Variants in GIGYF2 observed in about 807,000 individuals in gnomAD.
GIGYF2 encodes the protein GRB10-interacting GYF protein 2.
A neutral mutation model predicts 208.1 loss-of-function variants in GIGYF2; 25 were observed. The ratio of observed to expected loss-of-function variants is 0.12; its 90% CI spans 0.09 to 0.17. The LOEUF is 0.17. Among genes scored for constraint, GIGYF2 ranks in the 10% least tolerant of loss-of-function variants. The pLI is 1.00. For synonymous variants in GIGYF2, 534 were observed against 543.8 expected, an observed-to-expected ratio of 0.98 and a Z score of 0.25; for missense variants, 1,302 against 1,579.4, an observed-to-expected ratio of 0.82 and a Z score of 2.98.
chr2:232,735,361 C>T (rs1697690100), intron 3 of GIGYF2, 123 bp downstream of exon 3: 8 of 727,404 alleles, frequency 1.1e-5, no homozygotes, highest in Admixed American at 6.6e-5. Flanking sequence ...ATGTGCCTCG[C>T]TGAAAACAAT....
chr2:232,809,016 C>T (rs1174774461), intron 15 of GIGYF2, among the ~76,000 whole-genome samples: 1 of 152,162 alleles, frequency 6.6e-6, no homozygotes, highest in Non-Finnish European at 1.5e-5. Flanking sequence ...GCAGTCTAGG[C>T]TCACTGCAAC....
chr2:232,836,293 T>A (rs1237148025), intron 22 of GIGYF2, among the ~76,000 whole-genome samples: 4 of 24,634 alleles, frequency 1.6e-4, no homozygotes, highest in East Asian at 8.1e-4. Flanking sequence ...TATATATATA[T>A]ATATATATAT....
chr2:232,776,189 T>C (rs1308698333), intron 8 of GIGYF2, among the ~76,000 whole-genome samples: 1 of 152,178 alleles, frequency 6.6e-6, no homozygotes, highest in Non-Finnish European at 1.5e-5. Flanking sequence ...CCTCTACTGA[T>C]ATATTGTAAT....
intron 2 of GIGYF2, among the ~76,000 whole-genome samples, chr2:232,712,427 T>C (rs944072951): frequency 6.6e-6 from 1 of 152,228 alleles, no homozygotes; most frequent in Admixed American, 6.5e-5. Flanking sequence ...TCCCTCGTCA[T>C]GGGCATTCGT....
chr2:232,844,220 C>G lies in GIGYF2; in HGVS notation c.3064C>G (p.Gln1022Glu). The G allele has an allele frequency of 1.3e-6, 2 of 1,565,466 alleles. No individual in the cohort carries two copies. Among genetic ancestry groups the G allele is most frequent in the Non-Finnish European group, 1.7e-6 (2 of 1,153,820 alleles). ...GCAAAAGCAGCAGCAGCAGCAGCAG[C>G]AACACCAGCAACCAAACAGAGCTCG... Reference protein sequence around the residue: ...QMQKQQQQQQQHQQPNRARNN... With the variant: ...QMQKQQQQQQEHQQPNRARNN... The change falls in exon 24 of 29, where the codon CAA becomes GAA. Residue 1022 changes from glutamine to glutamate, a missense_variant. Coordinates refer to ENST00000373563, the MANE Select transcript of GIGYF2 (RefSeq NM_001103146.3).
chr2:232,808,162 TGA>T (rs1700616832), intron 15 of GIGYF2, among the ~76,000 whole-genome samples: 1 of 152,312 alleles, frequency 6.6e-6, no homozygotes, highest in Middle Eastern at 3.4e-3. Flanking sequence ...GATTCCTAGG[TGA>T]GAGGAATTAT....
rs149296196 is a variant in GIGYF2 at position 232,727,954 on chromosome 2, T to G, written c.-43-7201T>G. On this transcript the variant is annotated intron_variant, in intron 2 of 28. Transcript: ENST00000373563. The stretch of plus-strand genomic sequence containing the variant: ...TTCCTTTTAAGCTTTATAATACACA[T>G]TTGAAAAATACCCGCAACATTGAGT... Among the ~76,000 whole-genome samples, 101 of 152,316 alleles carry G rather than the reference T, an allele frequency of 6.6e-4. 1 individual carries two copies. The highest frequency in any genetic ancestry group is 1.4e-3 in the Non-Finnish European group (93 of 68,032).
Position 232,806,726 on chromosome 2 carries a change from A to T in GIGYF2, c.1806+69A>T. ...AACACTTGATTCTCTTTGAAAACAC[A>T]ACCCAAATATATCATCTAATGAAGG... On this transcript the variant is annotated intron_variant, in intron 15 of 28. Coordinates refer to ENST00000373563, the MANE Select transcript of GIGYF2 (RefSeq NM_001103146.3). This position sits in a 1 kb window ranked among gnomAD's most constrained non-coding sequence, Gnocchi z 4.0. The T allele has an allele frequency of 1.9e-6, 2 of 1,043,728 alleles. No homozygotes were observed. Among genetic ancestry groups the T allele is most frequent in the Non-Finnish European group, 1.5e-6 (1 of 661,700 alleles). The allele number at this position is 1,043,728 out of a possible 1,614,324, so 64.7% of individuals were successfully genotyped here.
chr2:232,811,462 A>G, intron 17 of GIGYF2, 111 bp downstream of exon 17: 1 of 735,448 alleles, frequency 1.4e-6, no homozygotes, highest in Admixed American at 2.0e-5. Context: ...AACACTCCCA[A>G]CACATACCTG....
chr2:232,856,728 C>T (rs1020749111), intron 28 of GIGYF2, 65 bp from the exon 29 acceptor site: 33 of 946,416 alleles, frequency 3.5e-5, no homozygotes, highest in African/African-American at 1.1e-4. Context: ...TCCAGCTCAC[C>T]GCCTAGAATT....
At chr2:232,748,142 A>G (rs562052930) in intron 4 of GIGYF2, among the ~76,000 whole-genome samples, 1 of 152,222 alleles carries the variant, frequency 6.6e-6, no homozygotes, top group Non-Finnish European at 1.5e-5. Context: ...GCTATATAAA[A>G]TTTTCAGTGG....
At chr2:232,718,853 G>A (rs923007812) in intron 2 of GIGYF2, among the ~76,000 whole-genome samples, 1 of 152,138 alleles carries the variant, frequency 6.6e-6, no homozygotes, top group African/African-American at 2.4e-5. Context: ...TGGGAATGGG[G>A]GCAGATTCAG....
Position 232,739,410 on chromosome 2 carries a change from G to A in GIGYF2, c.41+4172G>A, listed in dbSNP as rs116376675. 6.7e-3 allele frequency among the ~76,000 whole-genome samples: 924 copies of A among 138,590 alleles called. 14 individuals carry two copies. Among genetic ancestry groups the A allele is most frequent in the African/African-American group, 0.023 (844 of 36,716 alleles). The allele number at this position is 138,590 out of a possible 152,430, so 90.9% of individuals were successfully genotyped here. On this transcript the variant is annotated intron_variant, in intron 3 of 28. Transcript: ENST00000373563. ...AGAAAAGGGTTAGGCATGGTGGCTG[G>A]CCCCAGGCTCCCAGCACTTTGGGAG... is the stretch of plus-strand genomic sequence containing the variant.
chr2:232,836,399 A>AATATATATATAAATATATATATATAT (rs71056301), intron 22 of GIGYF2, among the ~76,000 whole-genome samples: 5 of 47,780 alleles, frequency 1.0e-4, no homozygotes, highest in African/African-American at 5.3e-4. Context: ...TATAAATATA[A>AATATATATATAAATATATATATATAT]ATATATATAT....
chr2:232,707,522 T>C (rs1696175162), intron 2 of GIGYF2, among the ~76,000 whole-genome samples: 1 of 152,196 alleles, frequency 6.6e-6, no homozygotes, highest in South Asian at 2.1e-4. Context: ...TGACCAGATG[T>C]CTTCAGTGTA....
intron 2 of GIGYF2, chr2:232,729,680 G>T: frequency 1.2e-6 from 1 of 855,436 alleles, no homozygotes; most frequent in Non-Finnish European, 1.9e-6. Flanking sequence ...TAGTTTAGAT[G>T]AGCCCCAGAC....
intron 7 of GIGYF2, 48 bp downstream of exon 7, chr2:232,760,639 T>G (rs1298596421): frequency 7.9e-7 from 1 of 1,261,014 alleles, no homozygotes; most frequent in Non-Finnish European, 1.2e-6. Flanking sequence ...CATATAAAAC[T>G]TATATTTTTT....
chr2:232,698,341 G>C (rs554042426), intron 1 of GIGYF2: 1 of 152,308 alleles, frequency 6.6e-6, no homozygotes, highest in African/African-American at 2.4e-5. Context: ...AAGAAATTGA[G>C]TATGGGGCTA....
intron 2 of GIGYF2, among the ~76,000 whole-genome samples, chr2:232,705,067 G>T (rs1017127167): frequency 6.6e-6 from 1 of 150,828 alleles, no homozygotes; most frequent in Non-Finnish European, 1.5e-5. Flanking sequence ...CACCGTGTTA[G>T]CCAGGATGGT....
Sources: allele counts gnomAD v4.1 joint callset (sites outside exome capture counted in the v4.1 genomes callset), GRCh38; gene constraint gnomAD v4.1.1; non-coding constraint Gnocchi (gnomAD v3.1); transcripts MANE v1.5; gene names NCBI Gene and HGNC (gene_info 2026-07-23, HGNC 2026-07-21).